The following GLI3 variants were observed in gnomAD, a reference collection of about 807,000 sequenced individuals.
The protein encoded by GLI3 is GLI family zinc finger 3, also known as transcription activator GLI3.
GLI3 carries 20 observed loss-of-function variants against 100.8 expected under a neutral mutation model. The ratio of observed to expected loss-of-function variants is 0.20; its 90% CI spans 0.14 to 0.29. The LOEUF (loss-of-function observed/expected upper bound fraction) is 0.29. Ranked by LOEUF, GLI3 falls within the 10% of genes least tolerant of loss-of-function variation. The probability of loss-of-function intolerance (pLI) is 1.00; values close to 1 mark genes in which losing one functional copy is unlikely to be tolerated. For missense variants in GLI3, 2,040 were observed against 2,128.5 expected, an observed-to-expected ratio of 0.96 and a Z score of 0.82; for synonymous variants, 938 against 860.5, an observed-to-expected ratio of 1.09 and a Z score of -1.58.
chr7:42,143,190 C>A (rs914899109), intron 3 of GLI3, among the ~76,000 whole-genome samples: 1 of 152,136 alleles, frequency 6.6e-6, no homozygotes, highest in Non-Finnish European at 1.5e-5. Context: ...CCTAGCAAAG[C>A]CCCCAGGGTG....
At chr7:42,167,299 C>T (rs1478866721) in intron 2 of GLI3, among the ~76,000 whole-genome samples, 2 of 152,176 alleles carry the variant, frequency 1.3e-5, no homozygotes, top group Admixed American at 1.3e-4. Context: ...CAAATGGACA[C>T]AAACTACCAT....
intron 4 of GLI3, among the ~76,000 whole-genome samples, chr7:42,065,725 G>C (rs995237058): frequency 2.6e-5 from 4 of 152,056 alleles, no homozygotes; most frequent in Non-Finnish European, 4.4e-5. Context: ...AATGGAGCTA[G>C]TGGGCTCCCC....
rs1178491078 is a variant in GLI3 at position 41,965,669 on chromosome 7, G to C, written c.3404C>G (p.Pro1135Arg). ...GPGDFDAPGL[P>R]DSHAGQQFHA... ...GAACTGCTGGCCAGCGTGGCTGTCT[G>C]GCAGCCCGGGCGCGTCAAAGTCACC... The change falls in exon 15 of 15, where the codon CCA becomes CGA. Residue 1135 changes from proline to arginine, a missense_variant. By Grantham distance (103) the Pro-to-Arg change is moderately radical. Around this residue, in one of 5 missense-constraint regions of GLI3, gnomAD observed 1,041 missense variants for 924.0 expected, o/e 1.13. Transcript: ENST00000395925. 1 of 1,612,818 alleles carries C rather than the reference G, an allele frequency of 6.2e-7. No individual in the cohort carries two copies. Among genetic ancestry groups the C allele is most frequent in the African/African-American group, 1.3e-5 (1 of 74,902 alleles).
At chr7:42,255,751 T>C (rs1403735301) in intron 1 of GLI3, among the ~76,000 whole-genome samples, 1 of 152,212 alleles carries the variant, frequency 6.6e-6, no homozygotes, top group Admixed American at 6.5e-5. Flanking sequence ...TTGGTGATGA[T>C]GAATAATGCT....
At chr7:42,223,781 T>C (rs2128702928) in intron 1 of GLI3, among the ~76,000 whole-genome samples, 1 of 152,366 alleles carries the variant, frequency 6.6e-6, no homozygotes, top group Non-Finnish European at 1.5e-5. Context: ...CTCCAAATTC[T>C]GAATCAGAGG....
At chr7:41,971,042 T>C (rs963741046) in intron 13 of GLI3, among the ~76,000 whole-genome samples, 1 of 152,204 alleles carries the variant, frequency 6.6e-6, no homozygotes, top group Admixed American at 6.5e-5. Flanking sequence ...TAAATCTGCA[T>C]AGCTGATTTG....
intron 2 of GLI3, among the ~76,000 whole-genome samples, chr7:42,171,539 A>G (rs560284612): frequency 1.3e-5 from 2 of 152,376 alleles, no homozygotes; most frequent in African/African-American, 4.8e-5. Flanking sequence ...ATGTTCTTCA[A>G]TATTTTTCAG....
intron 1 of GLI3, among the ~76,000 whole-genome samples, chr7:42,234,500 T>A (rs1003039878): frequency 6.6e-6 from 1 of 152,228 alleles, no homozygotes; most frequent in Non-Finnish European, 1.5e-5. Flanking sequence ...GAAATAACTC[T>A]ACAGAGCCAT....
chr7:42,137,255 A>C (rs1786450923), intron 3 of GLI3, among the ~76,000 whole-genome samples: 1 of 152,188 alleles, frequency 6.6e-6, no homozygotes, highest in East Asian at 1.9e-4. Flanking sequence ...CAGCCTGCTA[A>C]GTCACCTCCC....
intron 2 of GLI3, among the ~76,000 whole-genome samples, chr7:42,204,863 G>T (rs1788117943): frequency 6.6e-6 from 1 of 152,084 alleles, no homozygotes; most frequent in African/African-American, 2.4e-5. Context: ...GGAAAGGAAG[G>T]AAGTTCAAAT....
chr7:42,242,818 A>G (rs143406892), upstream of GLI3, among the ~76,000 whole-genome samples: 3 of 152,350 alleles, frequency 2.0e-5, no homozygotes, highest in East Asian at 5.8e-4. Flanking sequence ...AAAAACTATA[A>G]GGAATTCTTA....
At chr7:42,005,002 G>A (rs527503442) in intron 10 of GLI3, among the ~76,000 whole-genome samples, 67 of 152,248 alleles carry the variant, frequency 4.4e-4, no homozygotes, top group Non-Finnish European at 8.1e-4. Flanking sequence ...GGCAAAAAGA[G>A]TGGTGAGAAA....
chr7:42,195,398 T>C (rs1787909611), intron 2 of GLI3, among the ~76,000 whole-genome samples: 2 of 152,236 alleles, frequency 1.3e-5, no homozygotes, highest in Admixed American at 6.5e-5. Context: ...TTGCTTGATA[T>C]ACAAGGTTCC....
In GLI3 at chr7:42,027,306, T is replaced by G. The variant is rs1303830510; in HGVS notation, c.1029-894A>C. ...AAGGAATTTGCCAATGGCTTAAAAA[T>G]GCATGAAAAACTAATAATTGCATTC... On this transcript the variant is annotated intron_variant, in intron 7 of 14. Coordinates refer to ENST00000395925, the MANE Select transcript of GLI3 (RefSeq NM_000168.6). Among the ~76,000 whole-genome samples the G allele has an allele frequency of 7.2e-5, 11 of 152,212 alleles. No homozygotes were observed. In the East Asian group the frequency reaches 1.9e-3, roughly 27 times the overall value.
intron 2 of GLI3, among the ~76,000 whole-genome samples, chr7:42,158,793 C>G (rs1044692854): frequency 8.5e-5 from 13 of 152,206 alleles, no homozygotes; most frequent in African/African-American, 2.9e-4. Flanking sequence ...CCGCGCCCAG[C>G]TGAAGACTAT....
intron 4 of GLI3, among the ~76,000 whole-genome samples, chr7:42,073,959 G>A (rs1468765738): frequency 6.6e-6 from 1 of 152,156 alleles, no homozygotes; most frequent in Non-Finnish European, 1.5e-5. Context: ...GTGCTTTTAA[G>A]ATTTCTATAA....
intron 1 of GLI3, among the ~76,000 whole-genome samples, chr7:42,263,892 C>T (rs937347801): frequency 2.6e-5 from 4 of 152,160 alleles, no homozygotes; most frequent in Non-Finnish European, 2.9e-5. Flanking sequence ...AAAACAGCAA[C>T]GACCACAACA....
At chr7:42,239,240 G>T (rs886130552), upstream of GLI3, among the ~76,000 whole-genome samples, 5 of 152,176 alleles carry the variant, frequency 3.3e-5, no homozygotes, top group Non-Finnish European at 7.3e-5. Context: ...CCCCATCTCC[G>T]CGCTCACTAA....
intron 1 of GLI3, among the ~76,000 whole-genome samples, chr7:42,261,898 T>TTCTTTC: frequency 5.1e-5 from 3 of 58,474 alleles, no homozygotes; most frequent in Middle Eastern, 0.02. Context: ...TCCCTTCCCT[T>TTCTTTC]CCTTTCCCTC....
Sources: allele counts gnomAD v4.1 joint callset (sites outside exome capture counted in the v4.1 genomes callset), GRCh38; gene constraint gnomAD v4.1.1; regional missense constraint gnomAD v4.1.1; transcripts MANE v1.5; gene names NCBI Gene and HGNC (gene_info 2026-07-23, HGNC 2026-07-21).